Variants in FTO observed in about 807,000 individuals in gnomAD.
The protein encoded by FTO is alpha-ketoglutarate-dependent dioxygenase FTO.
A neutral mutation model predicts 63.9 loss-of-function variants in FTO; 47 were observed. That is an observed-to-expected ratio of 0.74 (90% confidence interval 0.58 to 0.94). The LOEUF is 0.94. Ranked by LOEUF, FTO falls within the 40% of genes least tolerant of loss-of-function variation. The pLI is 0.00. For synonymous variants in FTO, 207 were observed against 224.4 expected, an observed-to-expected ratio of 0.92 and a Z score of 0.69; for missense variants, 562 against 618.1, an observed-to-expected ratio of 0.91 and a Z score of 0.96.
chr16:54,030,161 A>G (rs1228520645), intron 8 of FTO, among the ~76,000 whole-genome samples: 1 of 152,196 alleles, frequency 6.6e-6, no homozygotes, highest in Admixed American at 6.5e-5. Flanking sequence ...TTTTCTACTA[A>G]TAACGTCTAG....
chr16:53,809,222 CT>C (rs2078453801), intron 1 of FTO, among the ~76,000 whole-genome samples: 1 of 152,090 alleles, frequency 6.6e-6, no homozygotes, highest in Non-Finnish European at 1.5e-5. Context: ...CTTAAAAAGG[CT>C]GCTTCATGGA....
intron 1 of FTO, among the ~76,000 whole-genome samples, chr16:53,763,171 A>T (rs1284765840): frequency 6.6e-6 from 1 of 152,200 alleles, no homozygotes; most frequent in African/African-American, 2.4e-5. Context: ...AGTGTCTAAT[A>T]TCTTACAGCA....
chr16:53,926,757 A>G (rs947076566), intron 7 of FTO, among the ~76,000 whole-genome samples: 15 of 152,192 alleles, frequency 9.9e-5, no homozygotes, highest in African/African-American at 2.7e-4. Context: ...TTACAGTTTT[A>G]TATGAAACAG....
chr16:53,957,135 T>C (rs1195083830), intron 8 of FTO, among the ~76,000 whole-genome samples: 2 of 152,196 alleles, frequency 1.3e-5, no homozygotes, highest in Admixed American at 6.5e-5. Flanking sequence ...CCCAATAAAA[T>C]TTTCTTATCC....
chr16:53,891,267 C>T (rs543343348), intron 7 of FTO, among the ~76,000 whole-genome samples: 1 of 152,042 alleles, frequency 6.6e-6, no homozygotes, highest in Admixed American at 6.5e-5. Flanking sequence ...GTTGGGATTA[C>T]AGGCGTGAAC....
chr16:53,725,666 A>G (rs1268181036), intron 1 of FTO, among the ~76,000 whole-genome samples: 1 of 152,224 alleles, frequency 6.6e-6, no homozygotes, highest in Non-Finnish European at 1.5e-5. Context: ...ATAAGCTTTG[A>G]TAGTGGGATG....
chr16:53,763,249 C>A (rs2077114751), intron 1 of FTO, among the ~76,000 whole-genome samples: 1 of 146,808 alleles, frequency 6.8e-6, no homozygotes, highest in Non-Finnish European at 1.5e-5. Context: ...TTTATATATC[C>A]ATTTTTTTAA....
chr16:54,005,909 T>C (rs2084192271), intron 8 of FTO, among the ~76,000 whole-genome samples: 2 of 152,234 alleles, frequency 1.3e-5, no homozygotes, highest in African/African-American at 4.8e-5. Flanking sequence ...TGGGAAGAAG[T>C]ATCCTAGAAA....
chr16:53,704,212 C>A lies in FTO; in HGVS notation c.28C>A (p.Arg10=). ...GAAGCGCACCCCGACTGCCGAGGAA[C>A]GAGAGCGCGAAGCTAAGGTATGTCG... The part of the protein sequence containing the change: MKRTPTAEE[R]EREAKKLRLL... Residue 10 remains arginine (R), a synonymous_variant, in exon 1 of 9, where the codon CGA becomes AGA. Transcript: ENST00000471389. 6.4e-7 allele frequency: 1 copy of A among 1,551,494 alleles called. No individual in the cohort carries two copies. The highest frequency in any genetic ancestry group is 1.7e-4 in the Middle Eastern group (1 of 5,986).
At chr16:53,784,901 A>G (rs9931900) in intron 1 of FTO, among the ~76,000 whole-genome samples, 66,627 of 151,746 alleles carry the variant, frequency 0.44, 15,064 homozygotes, top group African/African-American at 0.53. Context: ...TGTATGTGGG[A>G]GTGCAGAGTG....
intron 1 of FTO, among the ~76,000 whole-genome samples, chr16:53,790,578 G>A (rs375687608): frequency 3.5e-3 from 25 of 7,058 alleles, no homozygotes; most frequent in African/African-American, 9.8e-3. Context: ...CCAAAATAAA[G>A]CAAAAAAAAA....
chr16:53,726,424 A>G (rs939825438), intron 1 of FTO, among the ~76,000 whole-genome samples: 1 of 152,218 alleles, frequency 6.6e-6, no homozygotes, highest in Non-Finnish European at 1.5e-5. Flanking sequence ...AAGAAGAATA[A>G]ATTAACTTTG....
chr16:53,987,178 T>G (rs1368489887), intron 8 of FTO, among the ~76,000 whole-genome samples: 1 of 152,134 alleles, frequency 6.6e-6, no homozygotes, highest in Non-Finnish European at 1.5e-5. Context: ...TATATGGTGG[T>G]TAGAGTACAT....
intron 1 of FTO, among the ~76,000 whole-genome samples, chr16:53,788,335 G>T (rs1377244474): frequency 6.6e-6 from 1 of 152,056 alleles, no homozygotes; most frequent in Admixed American, 6.6e-5. Context: ...AGATGGGGTG[G>T]CTCATGCCTG....
intron 8 of FTO, among the ~76,000 whole-genome samples, chr16:54,072,729 A>T (rs2085898780): frequency 6.6e-6 from 1 of 151,992 alleles, no homozygotes; most frequent in South Asian, 2.1e-4. Context: ...CCATCCTCAC[A>T]CTGTCCCCCA....
chr16:54,031,881 G>A (rs1441001913), intron 8 of FTO, among the ~76,000 whole-genome samples: 1 of 152,096 alleles, frequency 6.6e-6, no homozygotes, highest in Non-Finnish European at 1.5e-5. Flanking sequence ...ATAAGACATG[G>A]GCAGACAGAT....
chr16:53,775,949 A>G (rs73612011), intron 1 of FTO, among the ~76,000 whole-genome samples: 15,707 of 152,030 alleles, frequency 0.1, 1,212 homozygotes, highest in African/African-American at 0.22. Flanking sequence ...TATGTCGACA[A>G]TGTAAATATT....
At chr16:53,760,841 G>A (rs2077049531) in intron 1 of FTO, among the ~76,000 whole-genome samples, 1 of 151,154 alleles carries the variant, frequency 6.6e-6, no homozygotes, top group Non-Finnish European at 1.5e-5. Context: ...TGGCCAGGCT[G>A]GTCTGAAACT....
chr16:53,984,184 G>T (rs1258166652), intron 8 of FTO, among the ~76,000 whole-genome samples: 1 of 152,088 alleles, frequency 6.6e-6, no homozygotes, highest in Admixed American at 6.6e-5. Context: ...CAGATCCTTC[G>T]TTAAGGCCAA....
Sources: allele counts gnomAD v4.1 joint callset (sites outside exome capture counted in the v4.1 genomes callset), GRCh38; gene constraint gnomAD v4.1.1; transcripts MANE v1.5; gene names NCBI Gene and HGNC (gene_info 2026-07-23, HGNC 2026-07-21).